Variants in DPP10 observed in about 807,000 individuals in gnomAD.
DPP10 encodes inactive dipeptidyl peptidase 10.
A neutral mutation model predicts 120.9 loss-of-function variants in DPP10; 33 were observed. That is an observed-to-expected ratio of 0.27 (90% CI 0.21 to 0.37). The LOEUF is 0.37. Ranked by LOEUF, DPP10 falls within the 10% of genes least tolerant of loss-of-function variation. The pLI, the probability that DPP10 is intolerant of heterozygous loss-of-function variation, is 1.00. For synonymous variants in DPP10, 337 were observed against 326.1 expected (o/e 1.03, Z -0.36); for missense variants, 816 against 942.8 (o/e 0.87, Z 1.76).
At chr2:115,070,313 A>G (rs1182671576) in intron 1 of DPP10, among the ~76,000 whole-genome samples, 1 of 152,110 alleles carries the variant, frequency 6.6e-6, no homozygotes, top group East Asian at 1.9e-4. Flanking sequence ...CATTTAGTAC[A>G]TTATTGTATT....
At chr2:114,449,719 C>T (rs1390264313) in intron 1 of DPP10, among the ~76,000 whole-genome samples, 4 of 152,022 alleles carry the variant, frequency 2.6e-5, no homozygotes, top group Admixed American at 6.6e-5. Flanking sequence ...AACAAAAATG[C>T]TATGTAAGTG....
chr2:114,761,877 T>C (rs745493116), intron 1 of DPP10, among the ~76,000 whole-genome samples: 35 of 152,266 alleles, frequency 2.3e-4, no homozygotes, highest in Non-Finnish European at 3.5e-4. Context: ...AGGAAACCCA[T>C]TGATTTTTCA....
intron 3 of DPP10, among the ~76,000 whole-genome samples, chr2:115,454,737 A>G (rs1427307613): frequency 6.6e-6 from 1 of 151,458 alleles, no homozygotes; most frequent in Non-Finnish European, 1.5e-5. Flanking sequence ...ATTAAAAAGG[A>G]AAAAAAAGCA....
intron 1 of DPP10, among the ~76,000 whole-genome samples, chr2:115,020,273 C>CACATAAGGACTCACATA (rs1205146073): frequency 6.6e-6 from 1 of 152,086 alleles, no homozygotes; most frequent in Non-Finnish European, 1.5e-5. Flanking sequence ...ACTCACCTAA[C>CACATAAGGACTCACATA]ACATAAGGAC....
At chr2:114,686,050 G>A (rs938991396) in intron 1 of DPP10, among the ~76,000 whole-genome samples, 1 of 151,814 alleles carries the variant, frequency 6.6e-6, no homozygotes, top group African/African-American at 2.4e-5. Flanking sequence ...TATAGGACAT[G>A]AGCATGCTCT....
intron 1 of DPP10, among the ~76,000 whole-genome samples, chr2:115,296,633 AG>A (rs2060895919): frequency 6.6e-6 from 1 of 152,084 alleles, no homozygotes. Context: ...AAACATCATC[AG>A]GGATCTCTCT....
chr2:115,073,347 T>C (rs1008424746), intron 1 of DPP10, among the ~76,000 whole-genome samples: 2 of 152,224 alleles, frequency 1.3e-5, no homozygotes, highest in African/African-American at 4.8e-5. Flanking sequence ...AAATCCCCAC[T>C]GGTCAATTGC....
chr2:115,841,027 T>A (rs985770966), intron 25 of DPP10, among the ~76,000 whole-genome samples: 5 of 152,034 alleles, frequency 3.3e-5, no homozygotes, highest in African/African-American at 1.2e-4. Flanking sequence ...ATGAATCCTT[T>A]CTAAATTGTC....
At chr2:114,738,177 C>T (rs1310608403) in intron 1 of DPP10, among the ~76,000 whole-genome samples, 1 of 152,150 alleles carries the variant, frequency 6.6e-6, no homozygotes, top group Non-Finnish European at 1.5e-5. Context: ...GATTCAATCA[C>T]CTCCCACCAG....
chr2:115,697,997 CAAAT>C (rs2091687981), intron 7 of DPP10, among the ~76,000 whole-genome samples: 1 of 152,090 alleles, frequency 6.6e-6, no homozygotes, highest in South Asian at 2.1e-4. Flanking sequence ...AATAAATAAA[CAAAT>C]AAAAAACACA....
chr2:114,468,397 C>CAAACAAAAAAAAAAA (rs1679601354), intron 1 of DPP10, among the ~76,000 whole-genome samples: 1 of 69,560 alleles, frequency 1.4e-5, no homozygotes, highest in African/African-American at 5.3e-5. Flanking sequence ...GCTTACAATG[C>CAAACAAAAAAAAAAA]AAAAAAAAAA....
chr2:114,852,893 C>G (rs1441336678), intron 1 of DPP10, among the ~76,000 whole-genome samples: 2 of 152,178 alleles, frequency 1.3e-5, no homozygotes, highest in Non-Finnish European at 2.9e-5. Flanking sequence ...AAATACGCAA[C>G]TCTTCATACT....
intron 2 of DPP10, among the ~76,000 whole-genome samples, chr2:115,334,170 G>C (rs2062948812): frequency 7.2e-6 from 1 of 138,244 alleles, no homozygotes; most frequent in Admixed American, 8.1e-5. Flanking sequence ...CTCAGGAAGA[G>C]CAACTCCAAA....
intron 1 of DPP10, among the ~76,000 whole-genome samples, chr2:114,818,167 G>A (rs375338169): frequency 1.1e-4 from 16 of 152,030 alleles, no homozygotes; most frequent in Admixed American, 5.9e-4. Context: ...TGGTAATGAA[G>A]GTCAGTCACT....
At chr2:115,825,157 T>A (rs1688183451) in intron 21 of DPP10, among the ~76,000 whole-genome samples, 1 of 152,236 alleles carries the variant, frequency 6.6e-6, no homozygotes, top group Non-Finnish European at 1.5e-5. Context: ...TTCTGCAATA[T>A]AGTTTAACTG....
chr2:114,715,967 A>G (rs17043408), intron 1 of DPP10, among the ~76,000 whole-genome samples: 4,212 of 152,140 alleles, frequency 0.028, 210 homozygotes, highest in African/African-American at 0.096. Context: ...AAGTGGTGTC[A>G]ATACCTGGTT....
At chr2:114,509,654 T>C (rs1369604080) in intron 1 of DPP10, among the ~76,000 whole-genome samples, 4 of 152,182 alleles carry the variant, frequency 2.6e-5, no homozygotes, top group African/African-American at 2.4e-5. Flanking sequence ...AGTGGAGTAA[T>C]AGGCATTGAG....
chr2:115,207,040 T>C (rs1261525420), intron 1 of DPP10, among the ~76,000 whole-genome samples: 1 of 152,226 alleles, frequency 6.6e-6, no homozygotes, highest in Non-Finnish European at 1.5e-5. Context: ...TTAAAAGTGC[T>C]GTAACTTCAA....
intron 3 of DPP10, among the ~76,000 whole-genome samples, chr2:115,432,659 TTGTGTG>T (rs59844767): frequency 0.012 from 1,587 of 137,646 alleles, 26 homozygotes; most frequent in African/African-American, 0.034. Flanking sequence ...ATAGGCAATT[TTGTGTG>T]TGTGTGTGTG....
Sources: gnomAD v4.1 joint callset for allele counts (sites outside exome capture counted in the v4.1 genomes callset) on GRCh38, gnomAD v4.1.1 for gene constraint, MANE v1.5 for transcripts, NCBI Gene and HGNC (gene_info 2026-07-23, HGNC 2026-07-21) for gene names.